The following RBFOX1 variants were observed in gnomAD, a reference collection of about 807,000 sequenced individuals.
RBFOX1 encodes the protein RNA binding protein fox-1 homolog 1.
In RBFOX1, 8 loss-of-function variants were observed where a neutral mutation model predicts 57.7. The ratio of observed to expected loss-of-function variants is 0.14; its 90% CI spans 0.08 to 0.25. The LOEUF (loss-of-function observed/expected upper bound fraction) is 0.25. RBFOX1 is among the 10% of genes least tolerant of loss of function. RBFOX1 has a pLI of 1.00. For missense variants in RBFOX1, 611 were observed against 548.5 expected (o/e 1.11, Z -1.14); for synonymous variants, 326 against 222.4 (o/e 1.47, Z -4.15).
At chr16:7,279,809 G>A (rs1207370344) in intron 4 of RBFOX1, among the ~76,000 whole-genome samples, 1 of 152,156 alleles carries the variant, frequency 6.6e-6, no homozygotes, top group East Asian at 1.9e-4. Flanking sequence ...ACAAGGAAAG[G>A]CAACTTCCAG....
chr16:5,793,116 G>C (rs555454212), intron 3 of RBFOX1, among the ~76,000 whole-genome samples: 1 of 152,254 alleles, frequency 6.6e-6, no homozygotes, highest in South Asian at 2.1e-4. Flanking sequence ...TGTCGGTAGG[G>C]AACCCACATG....
chr16:7,641,861 T>C (rs961926886), intron 11 of RBFOX1, among the ~76,000 whole-genome samples: 1 of 152,176 alleles, frequency 6.6e-6, no homozygotes, highest in African/African-American at 2.4e-5. Flanking sequence ...AATGAGATTG[T>C]TGTGCAGCGT....
intron 2 of RBFOX1, among the ~76,000 whole-genome samples, chr16:6,547,687 A>G (rs545081475): frequency 1.2e-4 from 18 of 152,290 alleles, no homozygotes; most frequent in Non-Finnish European, 5.9e-5. Flanking sequence ...GTAATAAGAT[A>G]GCTGATCTTT....
chr16:7,224,278 G>A (rs1451169517), intron 4 of RBFOX1, among the ~76,000 whole-genome samples: 2 of 152,042 alleles, frequency 1.3e-5, no homozygotes, highest in African/African-American at 4.8e-5. Flanking sequence ...CAGCAGTTAT[G>A]GACAGTGTTT....
intron 4 of RBFOX1, among the ~76,000 whole-genome samples, chr16:7,515,847 T>G (rs1366141190): frequency 6.6e-6 from 1 of 151,856 alleles, no homozygotes; most frequent in Non-Finnish European, 1.5e-5. Context: ...TTGTTGTTGT[T>G]GTTGTTGTTG....
intron 2 of RBFOX1, among the ~76,000 whole-genome samples, chr16:6,467,882 C>T (rs1195291976): frequency 1.3e-5 from 2 of 152,150 alleles, no homozygotes; most frequent in Non-Finnish European, 2.9e-5. Flanking sequence ...TTTGATAATG[C>T]AATCTACATC....
chr16:6,720,622 T>G lies in RBFOX1; in HGVS notation c.-16+65972T>G, dbSNP rs573522956. On this transcript the variant is annotated intron_variant, in intron 3 of 15. Transcript: ENST00000550418. Reference sequence around the variant, plus strand: ...TGAGAGGGGTGCTGCTGGAGAATAGTTGGGGAGAAAGAGACGTGTCGGGAG... The same window carrying G: ...TGAGAGGGGTGCTGCTGGAGAATAGGTGGGGAGAAAGAGACGTGTCGGGAG... 2.0e-5 allele frequency among the ~76,000 whole-genome samples: 3 copies of G among 152,006 alleles called. No individual in the cohort carries two copies. In the South Asian group the frequency reaches 6.2e-4, roughly 32 times the overall value.
chr16:7,504,709 TTATATATATATATATATATATA>T lies in RBFOX1; in HGVS notation c.28-13414_28-13393del, dbSNP rs1181491515. 1.1e-4 allele frequency among the ~76,000 whole-genome samples: 8 copies of T among 74,538 alleles called. No homozygotes were observed. In the East Asian group the frequency reaches 4.2e-3, roughly 39 times the overall value. The allele number at this position is 74,538 out of a possible 152,430, so 48.9% of individuals were successfully genotyped here. A position where few individuals can be genotyped will look rare whatever the true frequency, so the allele number is the denominator to read the frequency against. On this transcript the variant is annotated intron_variant, in intron 4 of 15. Coordinates refer to ENST00000550418, the MANE Select transcript of RBFOX1 (RefSeq NM_018723.4). The stretch of plus-strand genomic sequence containing the variant: ...TAGCTCCTGTGGAGATGAAGTGAGA[TTATATATATATATATATATATA>T]TATATATATATATATATATATATTT...
chr16:5,314,502 C>G (rs1356084264), intron 1 of RBFOX1, among the ~76,000 whole-genome samples: 1 of 152,162 alleles, frequency 6.6e-6, no homozygotes, highest in Non-Finnish European at 1.5e-5. Context: ...CTTTTATTTA[C>G]TCATTTTTTC....
chr16:6,182,490 A>C (rs1184765401), intron 1 of RBFOX1, among the ~76,000 whole-genome samples: 1 of 152,194 alleles, frequency 6.6e-6, no homozygotes, highest in Non-Finnish European at 1.5e-5. Context: ...GTGTTTGCCA[A>C]CACGCACATA....
chr16:6,832,481 A>G (rs1028751112), intron 3 of RBFOX1, among the ~76,000 whole-genome samples: 3 of 152,188 alleles, frequency 2.0e-5, no homozygotes, highest in African/African-American at 7.2e-5. Context: ...CTGAAATGAA[A>G]TGTAACACCT....
At chr16:5,769,693 G>A (rs1351392128) in intron 3 of RBFOX1, among the ~76,000 whole-genome samples, 3 of 152,058 alleles carry the variant, frequency 2.0e-5, no homozygotes, top group Non-Finnish European at 4.4e-5. Flanking sequence ...AATACAGGAG[G>A]AAGATCACGT....
intron 3 of RBFOX1, among the ~76,000 whole-genome samples, chr16:6,821,757 G>A (rs1444374093): frequency 6.6e-6 from 1 of 152,112 alleles, no homozygotes; most frequent in Non-Finnish European, 1.5e-5. Context: ...CTGTAGAAAT[G>A]AACCAATTTT....
intron 4 of RBFOX1, among the ~76,000 whole-genome samples, chr16:5,890,697 GAAAAAAA>G (rs71404558): frequency 0.014 from 876 of 61,486 alleles, 13 homozygotes; most frequent in African/African-American, 0.05. Flanking sequence ...AGTCTGTATT[GAAAAAAA>G]AAAAAAAAAA....
chr16:6,442,649 A>G (rs953060671), intron 2 of RBFOX1, among the ~76,000 whole-genome samples: 2 of 152,062 alleles, frequency 1.3e-5, no homozygotes, highest in Non-Finnish European at 2.9e-5. Flanking sequence ...CTCTTCAGGT[A>G]TGCAGAAGTC....
intron 3 of RBFOX1, among the ~76,000 whole-genome samples, chr16:7,030,646 A>G (rs1334176793): frequency 5.3e-5 from 8 of 152,024 alleles, no homozygotes; most frequent in Non-Finnish European, 8.8e-5. Flanking sequence ...CTAATCTACT[A>G]TGATTTTCTC....
chr16:7,270,960 C>T (rs527515069), intron 4 of RBFOX1, among the ~76,000 whole-genome samples: 3 of 152,228 alleles, frequency 2.0e-5, no homozygotes, highest in Admixed American at 2.0e-4. Flanking sequence ...GGGCTGGGTG[C>T]TGAGTCATTT....
chr16:7,462,940 T>C (rs1194576073), intron 4 of RBFOX1, among the ~76,000 whole-genome samples: 1 of 152,216 alleles, frequency 6.6e-6, no homozygotes, highest in Non-Finnish European at 1.5e-5. Flanking sequence ...GTAGTTCAGC[T>C]CTTCTCCTGA....
intron 1 of RBFOX1, among the ~76,000 whole-genome samples, chr16:5,313,382 TG>T: frequency 6.6e-6 from 1 of 152,208 alleles, no homozygotes; most frequent in Non-Finnish European, 1.5e-5. Flanking sequence ...GTGCCATTGC[TG>T]TGTCTTTGGG....
Sources: gnomAD v4.1 joint callset for allele counts (sites outside exome capture counted in the v4.1 genomes callset) on GRCh38, gnomAD v4.1.1 for gene constraint, MANE v1.5 for transcripts, NCBI Gene and HGNC (gene_info 2026-07-23, HGNC 2026-07-21) for gene names.